ZNF850: variants seen among roughly 807,000 people sequenced by gnomAD.
ZNF850 encodes the protein putative zinc finger protein ENSP00000330994.
ZNF850 carries 2 observed loss-of-function variants against 11.9 expected under a neutral mutation model. The observed-to-expected ratio is 0.17, with a 90% CI of 0.07 to 0.53. The LOEUF (loss-of-function observed/expected upper bound fraction) is 0.53, where lower values mean the gene tolerates loss of function less well. ZNF850 is among the 20% of genes least tolerant of loss of function. The pLI is 0.94. For synonymous variants in ZNF850, 381 were observed against 443.0 expected (o/e 0.86, Z 1.76); for missense variants, 1,014 against 1,316.4 (o/e 0.77, Z 3.55).
At chr19:36,753,160 T>C (rs906574923) in intron 4 of ZNF850, among the ~76,000 whole-genome samples, 1 of 150,054 alleles carries the variant, frequency 6.7e-6, no homozygotes, top group African/African-American at 2.5e-5. Flanking sequence ...TCTCAGCTAC[T>C]CAGGGGGCTG....
In ZNF850 at chr19:36,757,635, T is replaced by C. The variant is rs79337065; in HGVS notation, c.235+4008A>G. On this transcript the variant is annotated intron_variant, in intron 4 of 4. Coordinates refer to ENST00000591344, the MANE Select transcript of ZNF850 (RefSeq NM_001193552.2). ...GATTCTCCATCCTCAGCCTCATGAGTAGCTGGGATTACAGGTGACTGCCAC... is the reference window on the plus strand; with the variant it reads ...GATTCTCCATCCTCAGCCTCATGAGCAGCTGGGATTACAGGTGACTGCCAC... 7.2e-3 allele frequency among the ~76,000 whole-genome samples: 1,086 copies of C among 150,554 alleles called. 13 individuals carry two copies. Among genetic ancestry groups the C allele is most frequent in the African/African-American group, 0.025 (1,010 of 40,900 alleles).
intron 4 of ZNF850, among the ~76,000 whole-genome samples, chr19:36,751,328 G>A (rs2040452833): frequency 6.6e-6 from 1 of 151,970 alleles, no homozygotes; most frequent in Admixed American, 6.6e-5. Flanking sequence ...AAGCAAAGAG[G>A]AGCCAAGGGA....
chr19:36,752,791 A>G lies in ZNF850; in HGVS notation c.236-1987T>C, dbSNP rs547583911. Among the ~76,000 whole-genome samples the G allele has an allele frequency of 4.6e-5, 7 of 152,346 alleles. No homozygotes were observed. The East Asian group carries it at 1.3e-3, about 29-fold the overall frequency. ...TCACTGGAATGGTTAAATAACTGGA[A>G]ATGCAAAAGCAAGGTTAAAAGTCAT... On this transcript the variant is annotated intron_variant, in intron 4 of 4. Transcript: ENST00000591344.
At chr19:36,752,292 A>G (rs2040458618) in intron 4 of ZNF850, among the ~76,000 whole-genome samples, 1 of 152,206 alleles carries the variant, frequency 6.6e-6, no homozygotes, top group South Asian at 2.1e-4. Flanking sequence ...TGGGATTAGA[A>G]CAGAAAGTGT....
chr19:36,761,687 T>C lies in ZNF850; in HGVS notation c.191A>G (p.Glu64Gly). 6.4e-7 allele frequency: 1 copy of C among 1,562,592 alleles called. No homozygotes were observed. Among genetic ancestry groups the C allele is most frequent in the Non-Finnish European group, 8.6e-7 (1 of 1,160,406 alleles). The change falls in exon 4 of 5, where the codon GAG becomes GGG. Residue 64 changes from glutamate to glycine, a missense_variant. Physicochemically the swap from Glu to Gly is moderately conservative, Grantham distance 98. This residue lies in a region of ZNF850 where 835 missense variants were observed against 1,022.0 expected (regional missense o/e 0.82). Coordinates refer to ENST00000591344, the MANE Select transcript of ZNF850 (RefSeq NM_001193552.2). ...CACGTCCCTTGAAACCATCCAGGGC[T>C]CTTTCCCTTGCTCCAGTAAGGAAAT... is the stretch of plus-strand genomic sequence containing the variant. ...DVISLLEQGKEPWMVSRDVLG... is the reference protein window; with the variant it reads ...DVISLLEQGKGPWMVSRDVLG...
intron 1 of ZNF850, among the ~76,000 whole-genome samples, chr19:36,764,725 C>CT (rs35367899): frequency 0.026 from 3,326 of 126,804 alleles, 74 homozygotes; most frequent in African/African-American, 0.059. Context: ...TTTCCTTTCC[C>CT]TTTTTTTTTT....
In ZNF850 at chr19:36,744,178, CAAA is replaced by C. The variant is rs5827964; in HGVS notation, c.*3586_*3588del. 2 of 104,092 alleles carry C rather than the reference CAAA, an allele frequency of 1.9e-5. No homozygotes were observed. Among genetic ancestry groups the C allele is most frequent in the Non-Finnish European group, 4.0e-5 (2 of 49,464 alleles). The allele number at this position is 104,092 out of a possible 1,614,324, so 6.4% of individuals were successfully genotyped here. On this transcript the variant is annotated 3_prime_UTR_variant, in exon 5 of 5. Transcript: ENST00000591344. ...GGCAACAATAGCAAAACTCCCGTCT[CAAA>C]AAAAAAAAAAAGGATTTACCCCAAA...
In ZNF850 at chr19:36,748,567, G is replaced by A. The variant is rs181127138; in HGVS notation, c.2473C>T (p.Arg825Cys). The A allele has an allele frequency of 3.4e-5, 53 of 1,537,058 alleles. No individual in the cohort carries two copies. Among genetic ancestry groups the A allele is most frequent in the African/African-American group, 1.8e-4 (13 of 73,138 alleles). ...CKECGKSFTLRSALIQHRPVH... is the reference protein window; with the variant it reads ...CKECGKSFTLCSALIQHRPVH... Reference sequence around the variant, plus strand: ...GGCCGATGTTGAATTAGTGCTGAGCGAAGAGTAAAAGATTTCCCACATTCC... The same window carrying A: ...GGCCGATGTTGAATTAGTGCTGAGCAAAGAGTAAAAGATTTCCCACATTCC... Residue 825 changes from arginine to cysteine, a missense_variant, in exon 5 of 5, where the codon CGC becomes TGC. This residue lies in a region of ZNF850 where 835 missense variants were observed against 1,022.0 expected (regional missense o/e 0.82). Coordinates refer to ENST00000591344, the MANE Select transcript of ZNF850 (RefSeq NM_001193552.2).
intron 4 of ZNF850, among the ~76,000 whole-genome samples, chr19:36,759,990 T>C (rs527819125): frequency 4.6e-5 from 7 of 152,350 alleles, no homozygotes; most frequent in East Asian, 3.9e-4. Flanking sequence ...ATTTAACTTA[T>C]TGTCCTCTTT....
chr19:36,769,281 AAAGAAAGAAAGAAAG>A (rs2040567705), intron 1 of ZNF850, among the ~76,000 whole-genome samples: 1 of 44,412 alleles, frequency 2.3e-5, no homozygotes, highest in African/African-American at 6.6e-5. Context: ...AAAAAAAAAG[AAAGAAAGAAAGAAAG>A]AAAGAAAGAA....
At position 36,743,565 on chromosome 19, in the gene ZNF850, A is replaced by G. The variant is rs999537207; in HGVS notation, c.*4202T>C. The G allele has an allele frequency of 6.6e-6, 1 of 152,180 alleles. No homozygotes were observed. Among genetic ancestry groups the G allele is most frequent in the Admixed American group, 6.5e-5 (1 of 15,268 alleles). 9.4% of individuals were successfully genotyped at this position (152,180 alleles called of 1,614,324 possible). On this transcript the variant is annotated 3_prime_UTR_variant, in exon 5 of 5. Transcript: ENST00000591344. ...ATCTCATGAAGAAACCATTTCATCT[A>G]CTAAAGTAGTTCATCAATGTTACAA...
At chr19:36,768,066 GC>G (rs1436253398) in intron 1 of ZNF850, among the ~76,000 whole-genome samples, 1 of 152,076 alleles carries the variant, frequency 6.6e-6, no homozygotes, top group African/African-American at 2.4e-5. Context: ...TTCAAGTCAA[GC>G]CTGGGAAATA....
intron 4 of ZNF850, among the ~76,000 whole-genome samples, chr19:36,757,677 T>C (rs2040495144): frequency 1.3e-5 from 2 of 151,784 alleles, no homozygotes; most frequent in African/African-American, 4.8e-5. Flanking sequence ...CGGCTAATTT[T>C]TTGTGTGTTT....
Position 36,747,752 on chromosome 19 carries a change from A to T in ZNF850, c.*15T>A. 1 of 1,479,358 alleles carries T rather than the reference A, an allele frequency of 6.8e-7. No homozygotes were observed. The highest frequency in any genetic ancestry group is 2.5e-5 in the East Asian group (1 of 40,340). 91.6% of individuals were successfully genotyped at this position (1,479,358 alleles called of 1,614,324 possible). On this transcript the variant is annotated 3_prime_UTR_variant, in exon 5 of 5. Coordinates refer to ENST00000591344, the MANE Select transcript of ZNF850 (RefSeq NM_001193552.2). ...GATCCATGACAAATGGCATGAGAACAGTTTCCTACATTAATTATGTTAGGT... is the reference window on the plus strand; with the variant it reads ...GATCCATGACAAATGGCATGAGAACTGTTTCCTACATTAATTATGTTAGGT...
At chr19:36,757,328 A>G (rs2040492334) in intron 4 of ZNF850, among the ~76,000 whole-genome samples, 1 of 152,148 alleles carries the variant, frequency 6.6e-6, no homozygotes, top group East Asian at 1.9e-4. Context: ...TATGAATACA[A>G]TCAAAGATGG....
At position 36,747,938 on chromosome 19, in the gene ZNF850, C is replaced by T. The variant is rs2040422888; in HGVS notation, c.3102G>A (p.Glu1034=). The change falls in exon 5 of 5, where the codon GAG becomes GAA. Residue 1034 remains glutamate (E), a synonymous_variant. Transcript: ENST00000591344. ...CACATTCCGGACATTGATAAGTTTTCTCACCAGTATGGATTCGTTTATGTT... is the reference window on the plus strand; with the variant it reads ...CACATTCCGGACATTGATAAGTTTTTTCACCAGTATGGATTCGTTTATGTT... ...LSQHKRIHTG[E]KTYQCPECGK... 3 of 1,570,270 alleles carry T rather than the reference C, an allele frequency of 1.9e-6. No individual in the cohort carries two copies. Among genetic ancestry groups the T allele is most frequent in the Non-Finnish European group, 2.6e-6 (3 of 1,161,968 alleles).
intron 4 of ZNF850, among the ~76,000 whole-genome samples, chr19:36,756,365 G>C (rs951878818): frequency 1.7e-4 from 26 of 152,118 alleles, no homozygotes; most frequent in African/African-American, 6.0e-4. Context: ...ATGCATTCTT[G>C]TCTGGAGTGT....
chr19:36,757,802 C>T (rs1241662372), intron 4 of ZNF850, among the ~76,000 whole-genome samples: 1 of 151,874 alleles, frequency 6.6e-6, no homozygotes, highest in East Asian at 1.9e-4. Flanking sequence ...CTGGGATTTA[C>T]AGGTGTGAGC....
Position 36,750,031 on chromosome 19 carries a change from A to G in ZNF850, c.1009T>C (p.Tyr337His). 1 of 1,543,066 alleles carries G rather than the reference A, an allele frequency of 6.5e-7. No individual in the cohort carries two copies. Among genetic ancestry groups the G allele is most frequent in the Non-Finnish European group, 8.7e-7 (1 of 1,148,046 alleles). ...HQQIHTGEKP[Y>H]DCKECGKSFA... The stretch of plus-strand genomic sequence containing the variant: ...GATTTTCCACATTCCTTACAATCAT[A>G]CGGTTTCTCACCAGTGTGAATTTGC... The change falls in exon 5 of 5, where the codon TAT becomes CAT. Residue 337 changes from tyrosine to histidine, a missense_variant. By Grantham distance (83) the Tyr-to-His change is moderately conservative (BLOSUM62 2). Transcript: ENST00000591344.
Sources: allele counts gnomAD v4.1 joint callset (sites outside exome capture counted in the v4.1 genomes callset), GRCh38; gene constraint gnomAD v4.1.1; regional missense constraint gnomAD v4.1.1; transcripts MANE v1.5; gene names NCBI Gene and HGNC (gene_info 2026-07-23, HGNC 2026-07-21).